NPFFR2: variants seen among roughly 807,000 people sequenced by gnomAD.
NPFFR2 encodes the protein neuropeptide FF receptor 2, also known as G-protein coupled receptor 74.
NPFFR2 carries 15 observed loss-of-function variants against 13.1 expected under a neutral mutation model. That is an observed-to-expected ratio of 1.15 (90% confidence interval 0.77 to 1.76). The LOEUF (loss-of-function observed/expected upper bound fraction) is 1.76, where lower values mean the gene tolerates loss of function less well. NPFFR2 is among the 40% of genes most tolerant of loss of function. NPFFR2 has a pLI of 0.00. For missense variants in NPFFR2, 572 were observed against 503.5 expected (o/e 1.14, Z -1.30); for synonymous variants, 190 against 175.7 (o/e 1.08, Z -0.65).
Position 72,046,332 on chromosome 4 carries a change from C to T in NPFFR2, c.-8+14132C>T, listed in dbSNP as rs541223500. Among the ~76,000 whole-genome samples, 225 of 152,300 alleles carry T rather than the reference C, an allele frequency of 1.5e-3. 2 individuals carry two copies. Among genetic ancestry groups the T allele is most frequent in the African/African-American group, 5.1e-3 (210 of 41,562 alleles). ...GATTAGGTCATGGGAGTTTCACCCT[C>T]ATGAGTGGATTAATGCCATCATTGC... On this transcript the variant is annotated intron_variant, in intron 1 of 3. Coordinates refer to ENST00000308744, the MANE Select transcript of NPFFR2 (RefSeq NM_004885.3).
intron 1 of NPFFR2, among the ~76,000 whole-genome samples, chr4:72,079,675 A>G (rs1204096675): frequency 6.6e-6 from 1 of 152,204 alleles, no homozygotes; most frequent in African/African-American, 2.4e-5. Context: ...AAGACAAACC[A>G]TAGATAGGGG....
chr4:72,064,370 A>G (rs1720007574), intron 1 of NPFFR2, among the ~76,000 whole-genome samples: 1 of 152,126 alleles, frequency 6.6e-6, no homozygotes, highest in Non-Finnish European at 1.5e-5. Context: ...TTTGTTGGCT[A>G]TTGGCCTGAG....
At chr4:72,045,582 A>G (rs892655508) in intron 1 of NPFFR2, among the ~76,000 whole-genome samples, 1 of 152,234 alleles carries the variant, frequency 6.6e-6, no homozygotes, top group African/African-American at 2.4e-5. Flanking sequence ...TCCCAAATGC[A>G]TTTAGTACAT....
At chr4:72,085,860 G>A (rs1454980901) in intron 1 of NPFFR2, among the ~76,000 whole-genome samples, 3 of 152,182 alleles carry the variant, frequency 2.0e-5, no homozygotes, top group East Asian at 1.9e-4. Context: ...AGTCCTAAAA[G>A]TACAAGTTTA....
At chr4:72,069,966 A>C (rs1720197522) in intron 1 of NPFFR2, among the ~76,000 whole-genome samples, 1 of 152,178 alleles carries the variant, frequency 6.6e-6, no homozygotes, top group South Asian at 2.1e-4. Context: ...ATGTATATCA[A>C]GTCATATATT....
chr4:72,104,781 A>T, intron 1 of NPFFR2, among the ~76,000 whole-genome samples: 1 of 152,050 alleles, frequency 6.6e-6, no homozygotes, highest in East Asian at 1.9e-4. Context: ...GACTATTAAT[A>T]TCAAAGGAAT....
At chr4:72,070,830 T>A (rs1560401679) in intron 1 of NPFFR2, among the ~76,000 whole-genome samples, 1 of 152,160 alleles carries the variant, frequency 6.6e-6, no homozygotes, top group East Asian at 1.9e-4. Context: ...GCAATAGGTT[T>A]AATGATTGAA....
At chr4:72,109,352 C>T (rs781778537) in intron 1 of NPFFR2, among the ~76,000 whole-genome samples, 1 of 152,030 alleles carries the variant, frequency 6.6e-6, no homozygotes, top group Non-Finnish European at 1.5e-5. Context: ...AAGAGTTTCT[C>T]ATACCTCATA....
At chr4:72,120,429 G>A (rs1243844163) in intron 1 of NPFFR2, among the ~76,000 whole-genome samples, 1 of 152,180 alleles carries the variant, frequency 6.6e-6, no homozygotes, top group Non-Finnish European at 1.5e-5. Context: ...GCCTCCTCAA[G>A]TGGGTCCCTG....
intron 1 of NPFFR2, among the ~76,000 whole-genome samples, chr4:72,112,459 C>G (rs1035953908): frequency 2.0e-5 from 3 of 151,872 alleles, no homozygotes; most frequent in Admixed American, 1.3e-4. Context: ...ATCATGCAGC[C>G]CCCTCTGCAT....
intron 3 of NPFFR2, among the ~76,000 whole-genome samples, chr4:72,138,965 G>A (rs981375291): frequency 6.6e-6 from 1 of 152,178 alleles, no homozygotes; most frequent in African/African-American, 2.4e-5. Flanking sequence ...TAACTGGTGT[G>A]AGATGGTATC....
intron 1 of NPFFR2, among the ~76,000 whole-genome samples, chr4:72,082,513 T>C (rs919687080): frequency 2.0e-5 from 3 of 152,230 alleles, no homozygotes; most frequent in Non-Finnish European, 4.4e-5. Flanking sequence ...TTTTATTTTA[T>C]TTATACACTA....
intron 1 of NPFFR2, among the ~76,000 whole-genome samples, chr4:72,109,849 C>G (rs1721516095): frequency 6.6e-6 from 1 of 151,964 alleles, no homozygotes; most frequent in African/African-American, 2.4e-5. Context: ...ATTAAGCTTT[C>G]CCCATCTGCA....
intron 1 of NPFFR2, among the ~76,000 whole-genome samples, chr4:72,122,545 A>C (rs1721914320): frequency 6.6e-6 from 1 of 152,224 alleles, no homozygotes. Context: ...AAATCATAAC[A>C]AACAGTCTCT....
chr4:72,076,801 G>A (rs1720453687), intron 1 of NPFFR2, among the ~76,000 whole-genome samples: 1 of 152,126 alleles, frequency 6.6e-6, no homozygotes, highest in Non-Finnish European at 1.5e-5. Context: ...CAGCAAGAAT[G>A]TCCCTCATCA....
intron 1 of NPFFR2, among the ~76,000 whole-genome samples, chr4:72,049,133 G>A (rs1436749923): frequency 6.6e-6 from 1 of 152,046 alleles, no homozygotes; most frequent in Non-Finnish European, 1.5e-5. Context: ...ATCTGAAAGT[G>A]AATAATAAAG....
intron 1 of NPFFR2, among the ~76,000 whole-genome samples, chr4:72,064,681 C>G (rs367798228): frequency 3.3e-5 from 5 of 152,208 alleles, no homozygotes; most frequent in African/African-American, 1.2e-4. Flanking sequence ...TTCCATCCAT[C>G]ATGAGTGACA....
At chr4:72,074,846 G>A (rs574687426) in intron 1 of NPFFR2, among the ~76,000 whole-genome samples, 49 of 152,106 alleles carry the variant, frequency 3.2e-4, no homozygotes, top group African/African-American at 1.1e-3. Context: ...CTATGCAAAC[G>A]GTAATAAAAA....
At chr4:72,068,425 G>T (rs1720136722) in intron 1 of NPFFR2, among the ~76,000 whole-genome samples, 1 of 152,160 alleles carries the variant, frequency 6.6e-6, no homozygotes, top group African/African-American at 2.4e-5. Context: ...TTAGAAAAGA[G>T]CCCTCATGCT....
Sources: gnomAD v4.1 joint callset for allele counts (sites outside exome capture counted in the v4.1 genomes callset) on GRCh38, gnomAD v4.1.1 for gene constraint, MANE v1.5 for transcripts, NCBI Gene and HGNC (gene_info 2026-07-23, HGNC 2026-07-21) for gene names.